The following RBFOX1 variants were observed in gnomAD, a reference collection of about 807,000 sequenced individuals.
RBFOX1 encodes the protein RNA binding fox-1 homolog 1, also known as RNA binding protein fox-1 homolog 1.
RBFOX1 carries 8 observed loss-of-function variants against 57.7 expected under a neutral mutation model. The observed-to-expected ratio is 0.14, with a 90% CI of 0.08 to 0.25. RBFOX1 has a LOEUF of 0.25. RBFOX1 is among the 10% of genes least tolerant of loss of function. The probability of loss-of-function intolerance (pLI) is 1.00; values close to 1 mark genes in which losing one functional copy is unlikely to be tolerated. For synonymous variants in RBFOX1, 326 were observed against 222.4 expected (o/e 1.47, Z -4.15); for missense variants, 611 against 548.5 (o/e 1.11, Z -1.14).
intron 3 of RBFOX1, among the ~76,000 whole-genome samples, chr16:5,814,230 G>C (rs566472409): frequency 6.6e-6 from 1 of 152,274 alleles, no homozygotes; most frequent in East Asian, 1.9e-4. Context: ...AGCCTTAGCT[G>C]AAGTGCCTTT....
intron 3 of RBFOX1, among the ~76,000 whole-genome samples, chr16:5,681,560 T>C (rs181523379): frequency 6.6e-6 from 1 of 151,410 alleles, no homozygotes; most frequent in East Asian, 2.0e-4. Flanking sequence ...AGCTAATTTT[T>C]TTTTGCATTT....
chr16:5,863,973 G>T (rs369581252), intron 3 of RBFOX1, among the ~76,000 whole-genome samples: 5 of 152,262 alleles, frequency 3.3e-5, no homozygotes, highest in African/African-American at 1.2e-4. Context: ...CTTGTGTCAT[G>T]AGGGTTTGTT....
At chr16:6,710,505 A>G (rs2063530907) in intron 3 of RBFOX1, among the ~76,000 whole-genome samples, 1 of 152,236 alleles carries the variant, frequency 6.6e-6, no homozygotes, top group South Asian at 2.1e-4. Context: ...AACTAGCCAC[A>G]TTCCAAGTAC....
intron 4 of RBFOX1, among the ~76,000 whole-genome samples, chr16:7,434,417 A>G (rs934911110): frequency 1.4e-4 from 22 of 152,092 alleles, no homozygotes; most frequent in Non-Finnish European, 3.1e-4. Context: ...GCTTGCAGTG[A>G]GCCGAGATAG....
chr16:7,315,192 G>C (rs2096409204), intron 4 of RBFOX1, among the ~76,000 whole-genome samples: 1 of 151,512 alleles, frequency 6.6e-6, no homozygotes, highest in Non-Finnish European at 1.5e-5. Context: ...ATAGAACTGA[G>C]AACTGAAAAC....
intron 4 of RBFOX1, among the ~76,000 whole-genome samples, chr16:7,102,637 A>C (rs1018654704): frequency 1.3e-5 from 2 of 152,204 alleles, no homozygotes; most frequent in Non-Finnish European, 2.9e-5. Flanking sequence ...CTTGAAATGC[A>C]AAATCCATCT....
At chr16:7,271,209 T>G (rs984421273) in intron 4 of RBFOX1, among the ~76,000 whole-genome samples, 1 of 152,140 alleles carries the variant, frequency 6.6e-6, no homozygotes, top group African/African-American at 2.4e-5. Flanking sequence ...ACTTGAGCAT[T>G]CTGTCCCATG....
At chr16:5,534,673 AG>A (rs1239821820) in intron 2 of RBFOX1, among the ~76,000 whole-genome samples, 1 of 152,146 alleles carries the variant, frequency 6.6e-6, no homozygotes, top group African/African-American at 2.4e-5. Flanking sequence ...ACTCACACTG[AG>A]GGTGGGTCTT....
At chr16:5,507,216 C>G (rs1199135154) in intron 2 of RBFOX1, among the ~76,000 whole-genome samples, 1 of 152,158 alleles carries the variant, frequency 6.6e-6, no homozygotes, top group Non-Finnish European at 1.5e-5. Flanking sequence ...GCAACACCAA[C>G]CACTGCGGCC....
At chr16:6,766,121 C>G (rs1436230816) in intron 3 of RBFOX1, among the ~76,000 whole-genome samples, 1 of 151,150 alleles carries the variant, frequency 6.6e-6, no homozygotes, top group Non-Finnish European at 1.5e-5. Context: ...AACCCTAAAG[C>G]TATTGAAATT....
In RBFOX1 at chr16:6,879,812, T is replaced by A. The variant is rs137867041; in HGVS notation, c.-15-172245T>A. 2.4e-3 allele frequency among the ~76,000 whole-genome samples: 360 copies of A among 152,336 alleles called. 1 individual carries two copies. Among genetic ancestry groups the A allele is most frequent in the Middle Eastern group, 0.014 (4 of 294 alleles). ...ATTGGAATGGAAGCATTTTTGATGT[T>A]CTATTTATGATGTTAAATTTACAAA... On this transcript the variant is annotated intron_variant, in intron 3 of 15. Transcript: ENST00000550418.
At chr16:7,276,020 G>C (rs1439062969) in intron 4 of RBFOX1, among the ~76,000 whole-genome samples, 1 of 152,008 alleles carries the variant, frequency 6.6e-6, no homozygotes, top group Non-Finnish European at 1.5e-5. Context: ...ATTTCACTCA[G>C]AAAAACATGA....
At chr16:6,980,477 C>G (rs937250865) in intron 3 of RBFOX1, among the ~76,000 whole-genome samples, 9 of 152,106 alleles carry the variant, frequency 5.9e-5, no homozygotes, top group Non-Finnish European at 1.2e-4. Flanking sequence ...TGAAATTTTT[C>G]TGGTGTTTGT....
intron 3 of RBFOX1, among the ~76,000 whole-genome samples, chr16:6,984,569 C>A (rs188924732): frequency 3.9e-5 from 6 of 152,172 alleles, no homozygotes; most frequent in Non-Finnish European, 7.3e-5. Flanking sequence ...TCCGGATTCA[C>A]TGAATGATGG....
At position 5,737,731 on chromosome 16, in the gene RBFOX1, C is replaced by T. The variant is rs976225876; in HGVS notation, c.319-129572C>T. Among the ~76,000 whole-genome samples the T allele has an allele frequency of 2.0e-4, 30 of 152,198 alleles. 1 individual carries two copies. Among genetic ancestry groups the T allele is most frequent in the Middle Eastern group, 3.4e-3 (1 of 294 alleles). On this transcript the variant is annotated intron_variant, in intron 3 of 19. Coordinates refer to the RBFOX1 transcript ENST00000641259. ...TCAAGATTGGATGATGGCTGCACAA[C>T]TCTGTGAATTAACTAAAAACCCTGA...
intron 1 of RBFOX1, among the ~76,000 whole-genome samples, chr16:5,281,684 T>C (rs747478893): frequency 1.3e-5 from 2 of 152,230 alleles, no homozygotes; most frequent in Non-Finnish European, 2.9e-5. Context: ...ATAATGACCT[T>C]CTTTGTCCTT....
intron 1 of RBFOX1, among the ~76,000 whole-genome samples, chr16:6,040,549 A>ATTCTTTCT (rs140819240): frequency 0.028 from 4,203 of 151,254 alleles, 93 homozygotes; most frequent in Middle Eastern, 0.062. Flanking sequence ...TGAATTAATC[A>ATTCTTTCT]TTCTTTCTTT....
chr16:7,654,435 G>A (rs1158080980), intron 12 of RBFOX1, among the ~76,000 whole-genome samples: 1 of 152,144 alleles, frequency 6.6e-6, no homozygotes, highest in Non-Finnish European at 1.5e-5. Flanking sequence ...ATTAGGTGTT[G>A]AGTCACATGC....
At chr16:6,962,380 T>G (rs950181019) in intron 3 of RBFOX1, among the ~76,000 whole-genome samples, 1 of 152,190 alleles carries the variant, frequency 6.6e-6, no homozygotes, top group Non-Finnish European at 1.5e-5. Context: ...GGTTAGGACT[T>G]CGACTTATCT....
Sources: gnomAD v4.1 joint callset for allele counts (sites outside exome capture counted in the v4.1 genomes callset) on GRCh38, gnomAD v4.1.1 for gene constraint, MANE v1.5 for transcripts, NCBI Gene and HGNC (gene_info 2026-07-23, HGNC 2026-07-21) for gene names.